The following CFAP70 variants were observed in gnomAD, a reference collection of about 807,000 sequenced individuals.
CFAP70 encodes cilia- and flagella-associated protein 70.
A neutral mutation model predicts 137.6 loss-of-function variants in CFAP70; 81 were observed. That is an observed-to-expected ratio of 0.59 (90% CI 0.49 to 0.71). The LOEUF (loss-of-function observed/expected upper bound fraction) is 0.71. Ranked by LOEUF, CFAP70 falls within the 30% of genes least tolerant of loss-of-function variation. The pLI is 0.00. For synonymous variants in CFAP70, 382 were observed against 423.6 expected (o/e 0.90, Z 1.20); for missense variants, 976 against 1,226.7 (o/e 0.80, Z 3.05).
intron 3 of CFAP70, among the ~76,000 whole-genome samples, chr10:73,348,832 G>A (rs767025702): frequency 6.6e-6 from 1 of 152,152 alleles, no homozygotes; most frequent in Non-Finnish European, 1.5e-5. Context: ...GGAGGCCAAG[G>A]CGGGCAGATC....
exon 19 of CFAP70, chr10:73,291,282 C>A: frequency 6.2e-7 from 1 of 1,614,188 alleles, no homozygotes; most frequent in Non-Finnish European, 8.5e-7. Context: ...TCCCCAAGGG[C>A]CTAAACTAGA....
At chr10:73,255,396 A>G (rs1394879554) in intron 26 of CFAP70, among the ~76,000 whole-genome samples, 2 of 151,572 alleles carry the variant, frequency 1.3e-5, no homozygotes, top group Non-Finnish European at 2.9e-5. Flanking sequence ...CTCCATCTCA[A>G]AAAAAAAATT....
chr10:73,287,852 CATCTATCTATCT>C lies in CFAP70; in HGVS notation c.2239+3362_2239+3373del, dbSNP rs72556802. ...GGAAAAATGGACTGATGCATTTTAA[CATCTATCTATCT>C]ATCTATCTATCTATCTATCTATCTA... On this transcript the variant is annotated intron_variant, in intron 19 of 26. Coordinates refer to ENST00000310715, the Ensembl canonical transcript of CFAP70. 4.0e-4 allele frequency among the ~76,000 whole-genome samples: 59 copies of C among 145,954 alleles called. 1 individual carries two copies. In the East Asian group the frequency reaches 4.3e-3, roughly 11 times the overall value.
At chr10:73,280,878 T>C (rs1421439168) in intron 19 of CFAP70, among the ~76,000 whole-genome samples, 1 of 152,156 alleles carries the variant, frequency 6.6e-6, no homozygotes, top group Non-Finnish European at 1.5e-5. Flanking sequence ...ATTGTCTCTA[T>C]TTTTGTCTGT....
At chr10:73,256,793 C>T (rs1158015100) in intron 25 of CFAP70, among the ~76,000 whole-genome samples, 1 of 149,684 alleles carries the variant, frequency 6.7e-6, no homozygotes, top group Non-Finnish European at 1.5e-5. Flanking sequence ...GTCCCAGCTA[C>T]TAGGGGAGCT....
At chr10:73,341,025 T>C (rs2053204854) in intron 6 of CFAP70, among the ~76,000 whole-genome samples, 5 of 152,138 alleles carry the variant, frequency 3.3e-5, no homozygotes, top group Admixed American at 2.6e-4. Flanking sequence ...TGGCAGGAGC[T>C]GCTCCAGACT....
At chr10:73,257,268 T>C (rs2044617727) in intron 25 of CFAP70, among the ~76,000 whole-genome samples, 1 of 152,142 alleles carries the variant, frequency 6.6e-6, no homozygotes, top group African/African-American at 2.4e-5. Context: ...GAGTCCAAGT[T>C]TTTAACTACT....
chr10:73,308,901 AT>A (rs1393827342), intron 12 of CFAP70, among the ~76,000 whole-genome samples: 1 of 151,960 alleles, frequency 6.6e-6, no homozygotes, highest in Non-Finnish European at 1.5e-5. Flanking sequence ...AGGGAAATAT[AT>A]AGTTCTCTAC....
At chr10:73,266,389 C>T (rs1276891202) in intron 25 of CFAP70, among the ~76,000 whole-genome samples, 1 of 152,110 alleles carries the variant, frequency 6.6e-6, no homozygotes, top group Non-Finnish European at 1.5e-5. Flanking sequence ...TCTTTTATTA[C>T]ATATTTCAGT....
At chr10:73,357,590 C>A (rs769940564) in intron 1 of CFAP70, among the ~76,000 whole-genome samples, 2 of 152,114 alleles carry the variant, frequency 1.3e-5, no homozygotes, top group Non-Finnish European at 2.9e-5. Context: ...TCTCACCTAC[C>A]AAATAAACTG....
At chr10:73,353,882 G>A in intron 2 of CFAP70, 140 bp from the exon 3 acceptor site, 1 of 710,646 alleles carries the variant, frequency 1.4e-6, no homozygotes, top group Non-Finnish European at 2.3e-6. Flanking sequence ...AAAAGGAATA[G>A]GTAGAAAAAT....
At chr10:73,278,267 T>C in exon 20 of CFAP70, 1 of 1,614,116 alleles carries the variant, frequency 6.2e-7, no homozygotes, top group Non-Finnish European at 8.5e-7. Context: ...AAATGGGTTC[T>C]TGTGAATCAG....
chr10:73,273,948 G>A (rs12781215), intron 23 of CFAP70, among the ~76,000 whole-genome samples: 7,430 of 152,280 alleles, frequency 0.049, 245 homozygotes, highest in Non-Finnish European at 0.071. Context: ...TAAAAGAAAG[G>A]TTTTGTTTTT....
At chr10:73,308,909 C>T (rs1360864359) in intron 12 of CFAP70, among the ~76,000 whole-genome samples, 1 of 150,696 alleles carries the variant, frequency 6.6e-6, no homozygotes, top group East Asian at 1.9e-4. Flanking sequence ...ATATAGTTCT[C>T]TACACATACA....
At chr10:73,360,835 T>C (rs780921700), upstream of CFAP70, among the ~76,000 whole-genome samples, 6 of 152,148 alleles carry the variant, frequency 3.9e-5, no homozygotes, top group Non-Finnish European at 7.3e-5. Context: ...AAGTCTTTAA[T>C]AGGGAGCTGT....
intron 25 of CFAP70, among the ~76,000 whole-genome samples, chr10:73,266,287 C>G (rs946869154): frequency 6.6e-6 from 1 of 152,096 alleles, no homozygotes; most frequent in Non-Finnish European, 1.5e-5. Context: ...AGTTTTGCTT[C>G]CACCCGTCTC....
At chr10:73,304,862 C>A (rs2049251676) in intron 12 of CFAP70, among the ~76,000 whole-genome samples, 1 of 150,960 alleles carries the variant, frequency 6.6e-6, no homozygotes, top group South Asian at 2.1e-4. Context: ...AAAAAAAACA[C>A]ACACACCAGA....
chr10:73,305,959 A>G (rs2049339560), intron 12 of CFAP70, among the ~76,000 whole-genome samples: 1 of 152,206 alleles, frequency 6.6e-6, no homozygotes, highest in South Asian at 2.1e-4. Flanking sequence ...AAAGCAATGT[A>G]TGAACAAAAT....
intron 1 of CFAP70, among the ~76,000 whole-genome samples, chr10:73,357,267 A>T (rs1456005582): frequency 1.3e-5 from 2 of 152,148 alleles, no homozygotes; most frequent in African/African-American, 4.8e-5. Flanking sequence ...AGCTTCAGAG[A>T]AGTTTGTTAT....
Sources: gnomAD v4.1 joint callset for allele counts (sites outside exome capture counted in the v4.1 genomes callset) on GRCh38, gnomAD v4.1.1 for gene constraint, MANE v1.5 for transcripts, NCBI Gene and HGNC (gene_info 2026-07-23, HGNC 2026-07-21) for gene names.